Variants in SEMA4B observed in about 807,000 individuals in gnomAD.
The protein encoded by SEMA4B is semaphorin-4B.
Under a neutral mutation model 88.1 loss-of-function variants are expected in SEMA4B, and 55 were observed. The ratio of observed to expected loss-of-function variants is 0.62; its 90% CI spans 0.50 to 0.78. SEMA4B has a LOEUF of 0.78. Among genes scored for constraint, SEMA4B ranks in the 30% least tolerant of loss-of-function variants. The pLI is 0.00. For missense variants in SEMA4B, 1,062 were observed against 1,111.9 expected, an observed-to-expected ratio of 0.96 and a Z score of 0.64; for synonymous variants, 525 against 473.6, an observed-to-expected ratio of 1.11 and a Z score of -1.41.
At position 90,219,905 on chromosome 15, in the gene SEMA4B, C is replaced by T; in HGVS notation, c.483+14C>T. ...TGTACCTACATCGTGAGTGACCTGT[C>T]CTCAGCCCTGAGGCTGACCTGGGAA... On this transcript the variant is annotated intron_variant, in intron 4 of 13. Coordinates refer to ENST00000411539, the MANE Select transcript of SEMA4B (RefSeq NM_198925.4). 1 of 1,591,072 alleles carries T rather than the reference C, an allele frequency of 6.3e-7. No homozygotes were observed. Among genetic ancestry groups the T allele is most frequent in the East Asian group, 2.2e-5 (1 of 44,752 alleles).
In SEMA4B at chr15:90,229,278, G is replaced by C. The variant is rs140831160; in HGVS notation, c.*635G>C. The C allele has an allele frequency of 3.3e-5, 15 of 456,696 alleles. No individual in the cohort carries two copies. Among genetic ancestry groups the C allele is most frequent in the African/African-American group, 2.2e-4 (11 of 50,184 alleles). 28.3% of individuals were successfully genotyped at this position (456,696 alleles called of 1,614,324 possible). A position where few individuals can be genotyped will look rare whatever the true frequency, so the allele number is the denominator to read the frequency against. On this transcript the variant is annotated 3_prime_UTR_variant, in exon 14 of 14. Coordinates refer to ENST00000411539, the MANE Select transcript of SEMA4B (RefSeq NM_198925.4). ...GGTCCTGGGCTCGGACCCAACTCCTGGACCTTTCCAGCCTGTATCAGGCTG... is the reference window on the plus strand; with the variant it reads ...GGTCCTGGGCTCGGACCCAACTCCTCGACCTTTCCAGCCTGTATCAGGCTG...
In SEMA4B at chr15:90,225,037, T is replaced by C. The variant is rs754445303; in HGVS notation, c.1264T>C (p.Phe422Leu). 2 of 1,613,912 alleles carry C rather than the reference T, an allele frequency of 1.2e-6. No homozygotes were observed. The highest frequency in any genetic ancestry group is 8.5e-7 in the Non-Finnish European group (1 of 1,179,834). Residue 422 changes from phenylalanine to leucine, a missense_variant, in exon 10 of 14, where the codon TTC (phenylalanine) becomes CTC (leucine). Coordinates refer to ENST00000411539, the MANE Select transcript of SEMA4B (RefSeq NM_198925.4). ...SLQLPDRVLN[F>L]LKDHFLMDGQ... Reference sequence around the variant, plus strand: ...GCAGCTCCCAGACCGCGTGCTGAACTTCCTCAAGGACCACTTCCTGATGGA... The same window carrying C: ...GCAGCTCCCAGACCGCGTGCTGAACCTCCTCAAGGACCACTTCCTGATGGA...
At chr15:90,208,412 G>C (rs1241951631) in intron 1 of SEMA4B, among the ~76,000 whole-genome samples, 1 of 152,224 alleles carries the variant, frequency 6.6e-6, no homozygotes, top group Non-Finnish European at 1.5e-5. Flanking sequence ...AGTCTTGCGT[G>C]TGAAAAAGGG....
chr15:90,204,423 A>G lies in SEMA4B; in HGVS notation c.157+2688A>G, dbSNP rs568401165. Among the ~76,000 whole-genome samples the G allele has an allele frequency of 5.3e-5, 8 of 152,268 alleles. No individual in the cohort carries two copies. The South Asian group carries it at 1.7e-3, about 32-fold the overall frequency. ...TCATAGGGAACCCTAATTATTGTTG[A>G]TGAACAGCACATTCCTGGGGTGCTT... On this transcript the variant is annotated intron_variant, in intron 1 of 13. Coordinates refer to ENST00000411539, the MANE Select transcript of SEMA4B (RefSeq NM_198925.4).
rs182264264 is a variant in SEMA4B at position 90,225,434 on chromosome 15, G to C, written c.1521+37G>C. On this transcript the variant is annotated intron_variant, in intron 11 of 13. Transcript: ENST00000411539. ...AACGAGGAATCCTGGCAGGGTACTTGGGGGGTGCCCTCCATTAGCACCAAG... is the reference window on the plus strand; with the variant it reads ...AACGAGGAATCCTGGCAGGGTACTTCGGGGGTGCCCTCCATTAGCACCAAG... 4.2e-4 allele frequency: 642 copies of C among 1,521,234 alleles called. 1 individual carries two copies. In the East Asian group the frequency reaches 0.013, roughly 31 times the overall value. The allele number at this position is 1,521,234 out of a possible 1,614,324, so 94.2% of individuals were successfully genotyped here.
chr15:90,218,332 C>T (rs1961636493), intron 3 of SEMA4B, among the ~76,000 whole-genome samples: 1 of 152,216 alleles, frequency 6.6e-6, no homozygotes, highest in South Asian at 2.1e-4. Flanking sequence ...CCTCCTGCTC[C>T]TGCTCCTAAG....
rs370914671 is a variant in SEMA4B at position 90,218,666 on chromosome 15, A to G, written c.384+837A>G. The stretch of plus-strand genomic sequence containing the variant: ...CGTCTCTACTAAAAATACAAAAAAC[A>G]TTAGCCAGGCATGGTGGCAGGCGCC... On this transcript the variant is annotated intron_variant, in intron 3 of 13. Coordinates refer to ENST00000411539, the MANE Select transcript of SEMA4B (RefSeq NM_198925.4). Among the ~76,000 whole-genome samples, 10 of 152,008 alleles carry G rather than the reference A, an allele frequency of 6.6e-5. 1 individual carries two copies. In the East Asian group the frequency reaches 9.7e-4, roughly 15 times the overall value.
chr15:90,222,221 T>G (rs1961891311), intron 7 of SEMA4B, among the ~76,000 whole-genome samples: 2 of 148,602 alleles, frequency 1.3e-5, no homozygotes, highest in South Asian at 4.4e-4. Flanking sequence ...ATTACAGGCA[T>G]GAGCCACTGC....
At chr15:90,218,854 G>A (rs1961663847) in intron 3 of SEMA4B, among the ~76,000 whole-genome samples, 1 of 152,154 alleles carries the variant, frequency 6.6e-6, no homozygotes, top group Non-Finnish European at 1.5e-5. Context: ...TTATTGGCGG[G>A]GCGTGGGATG....
At chr15:90,204,743 T>C (rs970868766) in intron 1 of SEMA4B, among the ~76,000 whole-genome samples, 4 of 152,154 alleles carry the variant, frequency 2.6e-5, no homozygotes, top group African/African-American at 9.7e-5. Flanking sequence ...CAAAGTCTTT[T>C]TGGGCCACCT....
intron 9 of SEMA4B, 23 bp downstream of exon 9, chr15:90,224,011 C>G: frequency 6.3e-6 from 10 of 1,593,996 alleles, no homozygotes; most frequent in Non-Finnish European, 8.6e-6. Flanking sequence ...TCCCTGCACC[C>G]AGAAGGGGTG....
chr15:90,201,376 G>C lies in SEMA4B; in HGVS notation c.-203G>C, dbSNP rs528107056. On this transcript the variant is annotated 5_prime_UTR_variant, in exon 1 of 14. Transcript: ENST00000411539. ...AAGCCGAGGCTGCGGGGCCGGCGCC[G>C]GCGGGAGGACTGCGGTGCCCCGCGG... 9.7e-5 allele frequency: 121 copies of C among 1,251,714 alleles called. 1 individual carries two copies. In the African/African-American group the frequency reaches 1.7e-3, roughly 18 times the overall value. 77.5% of individuals were successfully genotyped at this position (1,251,714 alleles called of 1,614,324 possible). A position where few individuals can be genotyped will look rare whatever the true frequency, so the allele number is the denominator to read the frequency against.
At chr15:90,221,888 CT>C in intron 7 of SEMA4B, 123 bp downstream of exon 7, 1 of 800,772 alleles carries the variant, frequency 1.2e-6, no homozygotes, top group Non-Finnish European at 1.9e-6. Flanking sequence ...TGGCTAACAG[CT>C]TTTCTCTCTC....
chr15:90,209,139 C>A (rs537872049), intron 1 of SEMA4B, among the ~76,000 whole-genome samples: 1 of 152,146 alleles, frequency 6.6e-6, no homozygotes, highest in African/African-American at 2.4e-5. Context: ...CTGTGTCATT[C>A]ATTTGTTTAG....
intron 1 of SEMA4B, chr15:90,185,150 C>A (rs1489844162): frequency 3.6e-6 from 3 of 843,608 alleles, no homozygotes; most frequent in African/African-American, 3.7e-5. Context: ...GCGAAAACCG[C>A]CGCGCAGCCG....
intron 1 of SEMA4B, among the ~76,000 whole-genome samples, chr15:90,211,381 C>G (rs749795029): frequency 2.0e-5 from 3 of 152,204 alleles, no homozygotes; most frequent in Non-Finnish European, 2.9e-5. Flanking sequence ...CCCTTGCCCT[C>G]GTTGCCACTT....
intron 6 of SEMA4B, 49 bp downstream of exon 6, chr15:90,221,529 G>T: frequency 6.2e-7 from 1 of 1,607,588 alleles, no homozygotes; most frequent in Non-Finnish European, 8.5e-7. Flanking sequence ...TGTTCACCCA[G>T]CCCTAGAAGG....
At chr15:90,191,193 A>G (rs1258831009) in intron 1 of SEMA4B, among the ~76,000 whole-genome samples, 1 of 152,182 alleles carries the variant, frequency 6.6e-6, no homozygotes, top group Non-Finnish European at 1.5e-5. Flanking sequence ...TCAGGCCCCA[A>G]CAGGCCCCAG....
At chr15:90,223,417 CTT>C (rs753399844) in intron 7 of SEMA4B, 140 bp from the exon 8 acceptor site, 1 of 647,294 alleles carries the variant, frequency 1.5e-6, no homozygotes, top group Non-Finnish European at 2.5e-6. Context: ...CTCTTCCTGA[CTT>C]TAGATGGAAC....
Sources: gnomAD v4.1 joint callset for allele counts (sites outside exome capture counted in the v4.1 genomes callset) on GRCh38, gnomAD v4.1.1 for gene constraint, MANE v1.5 for transcripts, NCBI Gene and HGNC (gene_info 2026-07-23, HGNC 2026-07-21) for gene names.